GNPDA2: variants seen among roughly 807,000 people sequenced by gnomAD.
GNPDA2 encodes the protein glcN6P deaminase 2.
In GNPDA2, 24 loss-of-function variants were observed where a neutral mutation model predicts 27.0. The observed-to-expected ratio is 0.89, with a 90% CI of 0.64 to 1.25. GNPDA2 has a LOEUF of 1.25. Ranked by LOEUF, GNPDA2 falls within the 50% of genes most tolerant of loss-of-function variation. GNPDA2 has a pLI of 0.00. For synonymous variants in GNPDA2, 94 were observed against 108.4 expected, an observed-to-expected ratio of 0.87 and a Z score of 0.83; for missense variants, 286 against 335.1, an observed-to-expected ratio of 0.85 and a Z score of 1.14.
chr4:44,710,154 T>G lies in GNPDA2; in HGVS notation c.594+799A>C, dbSNP rs536246350. ...AAGTTTCAGTCCTTGAAAGGTCTTT[T>G]ATTCATATACCTATGATTTCTAGGT... On this transcript the variant is annotated intron_variant, in intron 5 of 6. Coordinates refer to ENST00000295448, the MANE Select transcript of GNPDA2 (RefSeq NM_138335.3). Among the ~76,000 whole-genome samples, 8 of 152,336 alleles carry G rather than the reference T, an allele frequency of 5.3e-5. No homozygotes were observed. In the East Asian group the frequency reaches 1.5e-3, roughly 29 times the overall value.
chr4:44,716,472 G>A (rs926113712), intron 4 of GNPDA2, among the ~76,000 whole-genome samples: 3 of 151,220 alleles, frequency 2.0e-5, no homozygotes, highest in South Asian at 2.1e-4. Context: ...AGAAAACCAC[G>A]TTGTCATTAC....
At chr4:44,715,401 A>G (rs763944086) in intron 4 of GNPDA2, among the ~76,000 whole-genome samples, 4 of 152,150 alleles carry the variant, frequency 2.6e-5, no homozygotes, top group Non-Finnish European at 5.9e-5. Flanking sequence ...ACAAATGAAG[A>G]TATTTTCAAG....
At chr4:44,716,973 A>C in intron 4 of GNPDA2, 140 bp downstream of exon 4, 2 of 532,074 alleles carry the variant, frequency 3.8e-6, no homozygotes, top group Non-Finnish European at 3.3e-6. Context: ...TGAAAACAGG[A>C]ATCAGTAGCA....
At chr4:44,724,631 T>C (rs182310854) in intron 1 of GNPDA2, among the ~76,000 whole-genome samples, 1 of 152,302 alleles carries the variant, frequency 6.6e-6, no homozygotes, top group Admixed American at 6.5e-5. Context: ...GTTTCAGCAT[T>C]CCTGAGTTTT....
At chr4:44,714,452 C>A (rs1717159974) in intron 4 of GNPDA2, 1 of 985,184 alleles carries the variant, frequency 1.0e-6, no homozygotes, top group African/African-American at 1.7e-5. Context: ...AGGAAAGGGA[C>A]CTCTGCTCTA....
intron 4 of GNPDA2, among the ~76,000 whole-genome samples, chr4:44,713,025 A>G (rs1243300882): frequency 1.3e-5 from 2 of 152,162 alleles, no homozygotes; most frequent in South Asian, 2.1e-4. Flanking sequence ...CTTCATTACT[A>G]TATTACCATT....
intron 1 of GNPDA2, among the ~76,000 whole-genome samples, chr4:44,724,317 A>T (rs1167472221): frequency 6.6e-6 from 1 of 152,202 alleles, no homozygotes; most frequent in Non-Finnish European, 1.5e-5. Flanking sequence ...CTACTGCCTC[A>T]CTGTGAATAG....
intron 6 of GNPDA2, chr4:44,704,889 C>G: frequency 1.0e-6 from 1 of 983,466 alleles, no homozygotes; most frequent in Non-Finnish European, 1.2e-6. Context: ...ATGTCATATA[C>G]TAAAAATCAA....
chr4:44,707,978 G>A (rs1577582770), intron 5 of GNPDA2, 52 bp from the exon 6 acceptor site: 12 of 1,312,734 alleles, frequency 9.1e-6, no homozygotes, highest in Middle Eastern at 1.9e-4. Flanking sequence ...TGAGTAAGAA[G>A]CTCTATTTTT....
chr4:44,703,853 T>A, intron 6 of GNPDA2: 1 of 985,006 alleles, frequency 1.0e-6, no homozygotes, highest in South Asian at 4.7e-5. Flanking sequence ...GTACTATATT[T>A]CTTTGGGGAG....
Position 44,717,267 on chromosome 4 carries a change from G to T in GNPDA2, c.255C>A (p.Tyr85Ter), listed in dbSNP as rs755139996. The stretch of plus-strand genomic sequence containing the variant: ...AAAAATTATTCCACATATAAGAATG[G>T]TAGCTTTCAGGATGATTTCTTGGAA... Reference protein sequence around the residue: ...VGLPRNHPESYHSYMWNNFFK... With the variant: ...VGLPRNHPES The change falls in exon 4 of 7, where the codon TAC becomes TAA. Residue 85 changes from tyrosine (Y) to a stop codon, truncating the protein, a stop_gained. Coordinates refer to ENST00000295448, the MANE Select transcript of GNPDA2 (RefSeq NM_138335.3). LOFTEE classifies it high-confidence loss of function. 6.6e-7 allele frequency: 1 copy of T among 1,519,492 alleles called. No individual in the cohort carries two copies. The highest frequency in any genetic ancestry group is 1.9e-5 in the Admixed American group (1 of 53,272). 94.1% of individuals were successfully genotyped at this position (1,519,492 alleles called of 1,614,324 possible). A position where few individuals can be genotyped will look rare whatever the true frequency, so the allele number is the denominator to read the frequency against.
chr4:44,711,832 C>T (rs1225383056), intron 4 of GNPDA2, among the ~76,000 whole-genome samples: 1 of 134,410 alleles, frequency 7.4e-6, no homozygotes, highest in African/African-American at 2.8e-5. Flanking sequence ...TATATATACA[C>T]ATATACAACA....
chr4:44,716,480 TAC>T (rs1717295432), intron 4 of GNPDA2, among the ~76,000 whole-genome samples: 1 of 149,174 alleles, frequency 6.7e-6, no homozygotes, highest in African/African-American at 2.5e-5. Context: ...ACGTTGTCAT[TAC>T]AAAGGAAAAA....
At chr4:44,726,020 A>T (rs1156447858) in intron 1 of GNPDA2, among the ~76,000 whole-genome samples, 1 of 152,144 alleles carries the variant, frequency 6.6e-6, no homozygotes, top group Non-Finnish European at 1.5e-5. Flanking sequence ...CTGAAAGCGT[A>T]AGGGTGGCCT....
intron 6 of GNPDA2, chr4:44,703,901 A>G (rs1445873862): frequency 1.0e-6 from 1 of 985,068 alleles, no homozygotes; most frequent in African/African-American, 1.7e-5. Context: ...TTAATGAACC[A>G]GAGATTTTAT....
chr4:44,717,204 G>GAT lies in GNPDA2; in HGVS notation c.316_317dup (p.Leu107SerfsTer20). 2 of 1,603,082 alleles carry GAT rather than the reference G, an allele frequency of 1.2e-6. No homozygotes were observed. The highest frequency in any genetic ancestry group is 1.7e-6 in the Non-Finnish European group (2 of 1,171,984). Reference sequence around the variant, plus strand: ...GTAAATCTGCAGCATTCCCGTCAAGGATATGTGCATTATTAGGATCTATAT... The same window carrying GAT: ...GTAAATCTGCAGCATTCCCGTCAAGGATATATGTGCATTATTAGGATCTATAT... On this transcript the variant is annotated frameshift_variant, in exon 4 of 7. Coordinates refer to ENST00000295448, the MANE Select transcript of GNPDA2 (RefSeq NM_138335.3). LOFTEE classifies it high-confidence loss of function.
intron 4 of GNPDA2, among the ~76,000 whole-genome samples, chr4:44,711,750 T>A (rs1716993604): frequency 1.3e-5 from 2 of 151,664 alleles, no homozygotes; most frequent in Non-Finnish European, 2.9e-5. Context: ...CAACAGTTTT[T>A]TTTTTTCAAA....
In GNPDA2 at chr4:44,705,540, A is replaced by C. The variant is rs1302250541; in HGVS notation, c.769+2212T>G. On this transcript the variant is annotated intron_variant, in intron 6 of 6. Coordinates refer to ENST00000295448, the MANE Select transcript of GNPDA2 (RefSeq NM_138335.3). The stretch of plus-strand genomic sequence containing the variant: ...GCTTACAATTAGATGAACTAAAAGA[A>C]CTAAATACATATAAACATCTACCAC... 8.5e-6 allele frequency: 7 copies of C among 825,404 alleles called. No individual in the cohort carries two copies. In the African/African-American group the frequency reaches 1.3e-4, roughly 15 times the overall value. The allele number at this position is 825,404 out of a possible 1,614,324, so 51.1% of individuals were successfully genotyped here. A position where few individuals can be genotyped will look rare whatever the true frequency, so the allele number is the denominator to read the frequency against.
chr4:44,726,113 A>C (rs1718001851), intron 1 of GNPDA2, among the ~76,000 whole-genome samples: 1 of 152,164 alleles, frequency 6.6e-6, no homozygotes, highest in African/African-American at 2.4e-5. Context: ...CGGGGGCTGC[A>C]GATTCCCCTC....
Sources: allele counts gnomAD v4.1 joint callset (sites outside exome capture counted in the v4.1 genomes callset), GRCh38; gene constraint gnomAD v4.1.1; transcripts MANE v1.5; gene names NCBI Gene and HGNC (gene_info 2026-07-23, HGNC 2026-07-21).